The following PAPSS1 variants were observed in gnomAD, a reference collection of about 807,000 sequenced individuals.
PAPSS1 encodes the protein 3'-phosphoadenosine 5'-phosphosulfate synthase 1, also known as bifunctional 3'-phosphoadenosine 5'-phosphosulfate synthase 1.
A neutral mutation model predicts 72.0 loss-of-function variants in PAPSS1; 50 were observed. That is an observed-to-expected ratio of 0.69 (90% confidence interval 0.55 to 0.88). The LOEUF is 0.88. Among genes scored for constraint, PAPSS1 ranks in the 40% least tolerant of loss-of-function variants. PAPSS1 has a pLI of 0.00. For missense variants in PAPSS1, 657 were observed against 782.2 expected (o/e 0.84, Z 1.91); for synonymous variants, 261 against 263.6 (o/e 0.99, Z 0.09).
rs756623048 is a variant in PAPSS1, at chr4:107,687,180, TA to T, written c.412-4del. On this transcript the variant is annotated splice_polypyrimidine_tract_variant and splice_region_variant and intron_variant, in intron 3 of 11. Coordinates refer to ENST00000265174, the MANE Select transcript of PAPSS1 (RefSeq NM_005443.5). The stretch of plus-strand genomic sequence containing the variant: ...ATTTGCCTTGCATTGTTGCGATCCT[TA>T]AAAAAAAATAAAATAAAAAGTGATC... 2.6e-4 allele frequency: 392 copies of T among 1,484,862 alleles called. No individual in the cohort carries two copies. Among genetic ancestry groups the T allele is most frequent in the East Asian group, 5.0e-4 (20 of 40,278 alleles). 92.0% of individuals were successfully genotyped at this position (1,484,862 alleles called of 1,614,324 possible). A position where few individuals can be genotyped will look rare whatever the true frequency, so the allele number is the denominator to read the frequency against.
At chr4:107,621,788 T>A (rs78328282) in intron 11 of PAPSS1, among the ~76,000 whole-genome samples, 1 of 146,654 alleles carries the variant, frequency 6.8e-6, no homozygotes, top group African/African-American at 2.6e-5. Context: ...GCCTGGCTAA[T>A]TTTTTTTTTG....
At chr4:107,698,052 G>A (rs895660625) in intron 2 of PAPSS1, among the ~76,000 whole-genome samples, 9 of 152,258 alleles carry the variant, frequency 5.9e-5, no homozygotes, top group African/African-American at 2.2e-4. Context: ...TTCTAGCCTC[G>A]AGAACTGTGG....
intron 1 of PAPSS1, among the ~76,000 whole-genome samples, chr4:107,718,585 G>C (rs1723695119): frequency 6.6e-6 from 1 of 152,072 alleles, no homozygotes; most frequent in Non-Finnish European, 1.5e-5. Context: ...TTCACCACTT[G>C]GCAAATGTCA....
At chr4:107,710,104 C>T (rs927042234) in intron 1 of PAPSS1, among the ~76,000 whole-genome samples, 13 of 152,202 alleles carry the variant, frequency 8.5e-5, no homozygotes, top group African/African-American at 2.9e-4. Flanking sequence ...TTCTATAATT[C>T]TGCTGAGGAA....
intron 10 of PAPSS1, among the ~76,000 whole-genome samples, chr4:107,632,199 T>C (rs1560566218): frequency 6.6e-6 from 1 of 152,080 alleles, no homozygotes; most frequent in African/African-American, 2.4e-5. Flanking sequence ...AAATCTAATA[T>C]ATGAGGTTAG....
intron 11 of PAPSS1, among the ~76,000 whole-genome samples, chr4:107,631,227 A>G (rs1163686677): frequency 6.6e-6 from 1 of 152,204 alleles, no homozygotes; most frequent in East Asian, 1.9e-4. Context: ...AAATAATTTA[A>G]TACTTGTAAA....
chr4:107,671,765 C>A (rs1259053489), intron 5 of PAPSS1, among the ~76,000 whole-genome samples: 1 of 152,152 alleles, frequency 6.6e-6, no homozygotes, highest in Non-Finnish European at 1.5e-5. Context: ...TTCATATCAT[C>A]TCTGGATTAC....
intron 5 of PAPSS1, among the ~76,000 whole-genome samples, chr4:107,660,950 AG>A (rs1349084403): frequency 2.6e-5 from 4 of 152,190 alleles, no homozygotes; most frequent in Non-Finnish European, 5.9e-5. Context: ...TACACTCAAA[AG>A]TTATATCTTT....
intron 3 of PAPSS1, among the ~76,000 whole-genome samples, chr4:107,689,117 T>C (rs1364746406): frequency 6.6e-6 from 1 of 152,186 alleles, no homozygotes; most frequent in Non-Finnish European, 1.5e-5. Context: ...TCTTCTGGCT[T>C]CTAACTCGGA....
chr4:107,663,397 C>A (rs545581284), intron 5 of PAPSS1, among the ~76,000 whole-genome samples: 2 of 152,248 alleles, frequency 1.3e-5, no homozygotes, highest in African/African-American at 4.8e-5. Flanking sequence ...AAAAAAGATA[C>A]ACACATATAT....
At chr4:107,616,295 G>GA (rs1351919138) in intron 11 of PAPSS1, among the ~76,000 whole-genome samples, 1 of 152,056 alleles carries the variant, frequency 6.6e-6, no homozygotes, top group African/African-American at 2.4e-5. Flanking sequence ...AATCAAATGA[G>GA]AATGTCAATT....
intron 10 of PAPSS1, among the ~76,000 whole-genome samples, chr4:107,633,133 C>G (rs1726265190): frequency 6.6e-6 from 1 of 152,196 alleles, no homozygotes; most frequent in African/African-American, 2.4e-5. Context: ...TAGTATATAA[C>G]ATAGACCTTA....
intron 4 of PAPSS1, 83 bp from the exon 5 acceptor site, chr4:107,682,216 T>A: frequency 1.5e-6 from 1 of 686,910 alleles, no homozygotes; most frequent in Admixed American, 2.5e-5. Context: ...TCTGCTACAT[T>A]GAAGTTAGTA....
intron 10 of PAPSS1, among the ~76,000 whole-genome samples, chr4:107,633,571 A>G (rs1726277060): frequency 6.6e-6 from 1 of 152,088 alleles, no homozygotes; most frequent in Non-Finnish European, 1.5e-5. Context: ...AAAATTCAGG[A>G]CAGAGATTAT....
chr4:107,629,980 G>C (rs564922710), intron 11 of PAPSS1, among the ~76,000 whole-genome samples: 50 of 152,096 alleles, frequency 3.3e-4, no homozygotes, highest in Non-Finnish European at 7.1e-4. Flanking sequence ...CCACCTCTAA[G>C]GTCCTAATTT....
At chr4:107,628,799 C>T (rs1447638071) in intron 11 of PAPSS1, among the ~76,000 whole-genome samples, 1 of 152,174 alleles carries the variant, frequency 6.6e-6, no homozygotes, top group Non-Finnish European at 1.5e-5. Context: ...GGGAATCACC[C>T]TGTCCACTGC....
chr4:107,648,584 C>G (rs1286323491), intron 9 of PAPSS1, among the ~76,000 whole-genome samples: 1 of 152,204 alleles, frequency 6.6e-6, no homozygotes, highest in Non-Finnish European at 1.5e-5. Flanking sequence ...TTCCTCTTAA[C>G]TTCACTGTAA....
At chr4:107,688,311 T>C (rs924089789) in intron 3 of PAPSS1, among the ~76,000 whole-genome samples, 1 of 152,160 alleles carries the variant, frequency 6.6e-6, no homozygotes. Context: ...GGCAGTGGTG[T>C]AGCACGCTTA....
chr4:107,626,300 A>G (rs1726096005), intron 11 of PAPSS1, among the ~76,000 whole-genome samples: 1 of 152,150 alleles, frequency 6.6e-6, no homozygotes, highest in Admixed American at 6.5e-5. Flanking sequence ...ACCCATTTCC[A>G]CAAGGCACTC....
Sources: allele counts gnomAD v4.1 joint callset (sites outside exome capture counted in the v4.1 genomes callset), GRCh38; gene constraint gnomAD v4.1.1; transcripts MANE v1.5; gene names NCBI Gene and HGNC (gene_info 2026-07-23, HGNC 2026-07-21).